Variants in KRTAP5-6 observed in about 807,000 individuals in gnomAD.
KRTAP5-6 encodes the protein keratin associated protein 5-6.
For missense variants in KRTAP5-6, 175 were observed against 157.6 expected, an observed-to-expected ratio of 1.11 and a Z score of -0.59; for synonymous variants, 57 against 61.7, an observed-to-expected ratio of 0.92 and a Z score of 0.36.
chr11:1,697,460 C>A lies in KRTAP5-6; in HGVS notation c.215C>A (p.Ser72Tyr). Residue 72 changes from serine to tyrosine, a missense_variant, in exon 1 of 1, where the codon TCT (serine) becomes TAT (tyrosine). By Grantham distance (144) the Ser-to-Tyr change is moderately radical. Transcript: ENST00000382160. ...GGGGGCTCCAAAGGGGGCTGTGGCTCTTGTGGGGGCTCCAAGGGAGGCTGT... is the reference window on the plus strand; with the variant it reads ...GGGGGCTCCAAAGGGGGCTGTGGCTATTGTGGGGGCTCCAAGGGAGGCTGT... ...SCGGSKGGCG[S>Y]CGGSKGGCGS... 1 of 1,613,156 alleles carries A rather than the reference C, an allele frequency of 6.2e-7. No homozygotes were observed. Among genetic ancestry groups the A allele is most frequent in the Non-Finnish European group, 8.5e-7 (1 of 1,179,840 alleles).
At position 1,697,289 on chromosome 11, in the gene KRTAP5-6, G is replaced by T. The variant is rs764693017; in HGVS notation, c.44G>T (p.Gly15Val). The T allele has an allele frequency of 3.7e-6, 6 of 1,612,928 alleles. No homozygotes were observed. Among genetic ancestry groups the T allele is most frequent in the Non-Finnish European group, 5.1e-6 (6 of 1,179,722 alleles). The change falls in exon 1 of 1, where the codon GGG (glycine) becomes GTG (valine). Residue 15 changes from glycine to valine, a missense_variant. Physicochemically the swap from Gly to Val is moderately radical, Grantham distance 109. Transcript: ENST00000382160. ...GCSGGCGSGC[G>V]GCGSGCGGCG... ...TCTGGAGGCTGTGGCTCCGGCTGTG[G>T]GGGCTGTGGCTCTGGCTGTGGGGGC... is the stretch of plus-strand genomic sequence containing the variant.
chr11:1,697,294 T>C lies in KRTAP5-6; in HGVS notation c.49T>C (p.Cys17Arg). 6.2e-7 allele frequency: 1 copy of C among 1,612,970 alleles called. No individual in the cohort carries two copies. ...AGGCTGTGGCTCCGGCTGTGGGGGC[T>C]GTGGCTCTGGCTGTGGGGGCTGTGG... ...SGGCGSGCGG[C>R]GSGCGGCGSS... The change falls in exon 1 of 1, where the codon TGT (cysteine) becomes CGT (arginine). Residue 17 changes from cysteine to arginine, a missense_variant. Transcript: ENST00000382160.
chr11:1,697,510 A>C lies in KRTAP5-6; in HGVS notation c.265A>C (p.Ser89Arg). The C allele has an allele frequency of 1.2e-6, 2 of 1,613,570 alleles. No homozygotes were observed. Among genetic ancestry groups the C allele is most frequent in the Non-Finnish European group, 1.7e-6 (2 of 1,179,900 alleles). Residue 89 changes from serine to arginine, a missense_variant, in exon 1 of 1, where the codon AGT (serine) becomes CGT (arginine). Coordinates refer to ENST00000382160, the MANE Select transcript of KRTAP5-6 (RefSeq NM_001012416.1). ...TGGCTCTTGTGGCTGCTCCCAGTGCAGTTGCTGCAAGCCCTGCTACTGTTC... is the reference window on the plus strand; with the variant it reads ...TGGCTCTTGTGGCTGCTCCCAGTGCCGTTGCTGCAAGCCCTGCTACTGTTC... ...GCGSCGCSQC[S>R]CCKPCYCSSG... is the part of the protein sequence containing the mutation.
rs1483516612 is a variant in KRTAP5-6 at position 1,697,392 on chromosome 11, C to T, written c.147C>T (p.Ser49=). The change falls in exon 1 of 1, where the codon AGC becomes AGT. Residue 49 remains serine (S), a synonymous_variant. Coordinates refer to ENST00000382160, the MANE Select transcript of KRTAP5-6 (RefSeq NM_001012416.1). ...GTGTGCCAGCCTGTTCCTGCACCAG[C>T]TGTGGCTCTTGTGGGGGCTCCAAGG... The part of the protein sequence containing the change: ...CCCVPACSCT[S]CGSCGGSKGC... The T allele has an allele frequency of 6.2e-7, 1 of 1,612,744 alleles. No homozygotes were observed. The highest frequency in any genetic ancestry group is 8.5e-7 in the Non-Finnish European group (1 of 1,179,908).
rs772905716 is a variant in KRTAP5-6, at chr11:1,697,259, G to A, written c.14G>A (p.Gly5Asp). 6.2e-7 allele frequency: 1 copy of A among 1,613,366 alleles called. No individual in the cohort carries two copies. Among genetic ancestry groups the A allele is most frequent in the East Asian group, 2.2e-5 (1 of 44,872 alleles). ...TCCACCAGAACCATGGGCTGCTGTG[G>A]CTGCTCTGGAGGCTGTGGCTCCGGC... Reference protein sequence around the residue: MGCCGCSGGCGSGCG... With the variant: MGCCDCSGGCGSGCG... The change falls in exon 1 of 1, where the codon GGC becomes GAC. Residue 5 changes from glycine to aspartate, a missense_variant. Coordinates refer to ENST00000382160, the MANE Select transcript of KRTAP5-6 (RefSeq NM_001012416.1).
In KRTAP5-6 at chr11:1,697,630, A is replaced by G; in HGVS notation, c.385A>G (p.Ile129Val). 1.2e-6 allele frequency: 2 copies of G among 1,614,096 alleles called. No homozygotes were observed. Among genetic ancestry groups the G allele is most frequent in the South Asian group, 2.2e-5 (2 of 91,076 alleles). The change falls in exon 1 of 1, where the codon ATC becomes GTC. Residue 129 changes from isoleucine (I) to valine (V), a missense_variant. Physicochemically the swap from Ile to Val is conservative, Grantham distance 29 (BLOSUM62 3). Coordinates refer to ENST00000382160, the MANE Select transcript of KRTAP5-6 (RefSeq NM_001012416.1). Reference protein sequence around the residue: ...CCVPICCQCKI With the variant: ...CCVPICCQCKV ...TGTCCCCATTTGCTGCCAGTGCAAA[A>G]TCTGAGGCTCTGACTTTGGACCTCA...
Position 1,697,199 on chromosome 11 carries a change from C to T in KRTAP5-6, c.-47C>T. The stretch of plus-strand genomic sequence containing the variant: ...AGGGAGCTCCATACCTGCACACCTC[C>T]CTCTCACCTGCTCCTCTACCTGCTC... On this transcript the variant is annotated 5_prime_UTR_variant, in exon 1 of 1. Transcript: ENST00000382160. 4.3e-6 allele frequency: 7 copies of T among 1,612,256 alleles called. No individual in the cohort carries two copies. Among genetic ancestry groups the T allele is most frequent in the Non-Finnish European group, 5.9e-6 (7 of 1,179,824 alleles).
chr11:1,697,285 T>C lies in KRTAP5-6; in HGVS notation c.40T>C (p.Cys14Arg). 6.2e-7 allele frequency: 1 copy of C among 1,612,802 alleles called. No homozygotes were observed. Among genetic ancestry groups the C allele is most frequent in the Non-Finnish European group, 8.5e-7 (1 of 1,179,666 alleles). The change falls in exon 1 of 1, where the codon TGT becomes CGT. Residue 14 changes from cysteine (C) to arginine (R), a missense_variant. Cys to Arg is a radical substitution (Grantham distance 180). Coordinates refer to ENST00000382160, the MANE Select transcript of KRTAP5-6 (RefSeq NM_001012416.1). The part of the protein sequence containing the change: ...CGCSGGCGSG[C>R]GGCGSGCGGC... Reference sequence around the variant, plus strand: ...CTGCTCTGGAGGCTGTGGCTCCGGCTGTGGGGGCTGTGGCTCTGGCTGTGG... The same window carrying C: ...CTGCTCTGGAGGCTGTGGCTCCGGCCGTGGGGGCTGTGGCTCTGGCTGTGG...
Position 1,697,703 on chromosome 11 carries a change from T to C in KRTAP5-6, c.*68T>C. 6.3e-7 allele frequency: 1 copy of C among 1,595,030 alleles called. No individual in the cohort carries two copies. The highest frequency in any genetic ancestry group is 2.2e-5 in the East Asian group (1 of 44,696). ...CACCCAAGAAGTGACCAGTGCTGCA[T>C]TTCAGTTCTGGCTGTCCCACAGCTC... is the stretch of plus-strand genomic sequence containing the variant. On this transcript the variant is annotated 3_prime_UTR_variant, in exon 1 of 1. Transcript: ENST00000382160.
Position 1,697,681 on chromosome 11 carries a change from C to T in KRTAP5-6, c.*46C>T, listed in dbSNP as rs1850707602. 1 of 1,611,428 alleles carries T rather than the reference C, an allele frequency of 6.2e-7. No individual in the cohort carries two copies. On this transcript the variant is annotated 3_prime_UTR_variant, in exon 1 of 1. Coordinates refer to ENST00000382160, the MANE Select transcript of KRTAP5-6 (RefSeq NM_001012416.1). Reference sequence around the variant, plus strand: ...GGTGAGTCCAGCATATCCACACCACCCAAGAAGTGACCAGTGCTGCATTTC... The same window carrying T: ...GGTGAGTCCAGCATATCCACACCACTCAAGAAGTGACCAGTGCTGCATTTC...
chr11:1,697,218 C>T lies in KRTAP5-6; in HGVS notation c.-28C>T, dbSNP rs368183184. 6.2e-7 allele frequency: 1 copy of T among 1,612,700 alleles called. No homozygotes were observed. Among genetic ancestry groups the T allele is most frequent in the African/African-American group, 1.3e-5 (1 of 74,862 alleles). ...CACCTCCCTCTCACCTGCTCCTCTA[C>T]CTGCTCCACCCTCAATCCACCAGAA... On this transcript the variant is annotated 5_prime_UTR_variant, in exon 1 of 1. Transcript: ENST00000382160.
rs1207923935 is a variant in KRTAP5-6 at position 1,697,589 on chromosome 11, C to T, written c.344C>T (p.Ser115Phe). The T allele has an allele frequency of 1.2e-6, 2 of 1,613,924 alleles. No homozygotes were observed. Among genetic ancestry groups the T allele is most frequent in the African/African-American group, 2.7e-5 (2 of 74,874 alleles). ...TCCAGCTGCTGCAAGCCCTGCTGTT[C>T]CCAGGCCAGCTGCTGTGTCCCCATT... Reference protein sequence around the residue: ...CQSSCCKPCCSQASCCVPICC... With the variant: ...CQSSCCKPCCFQASCCVPICC... Residue 115 changes from serine to phenylalanine, a missense_variant, in exon 1 of 1, where the codon TCC (serine) becomes TTC (phenylalanine). Coordinates refer to ENST00000382160, the MANE Select transcript of KRTAP5-6 (RefSeq NM_001012416.1).
chr11:1,697,486 G>T lies in KRTAP5-6; in HGVS notation c.241G>T (p.Gly81Cys), dbSNP rs934238605. The T allele has an allele frequency of 1.9e-6, 3 of 1,613,892 alleles. No individual in the cohort carries two copies. The highest frequency in any genetic ancestry group is 2.5e-6 in the Non-Finnish European group (3 of 1,180,042). The part of the protein sequence containing the change: ...GSCGGSKGGC[G>C]SCGCSQCSCC... ...TTGTGGGGGCTCCAAGGGAGGCTGTGGCTCTTGTGGCTGCTCCCAGTGCAG... is the reference window on the plus strand; with the variant it reads ...TTGTGGGGGCTCCAAGGGAGGCTGTTGCTCTTGTGGCTGCTCCCAGTGCAG... The change falls in exon 1 of 1, where the codon GGC becomes TGC. Residue 81 changes from glycine to cysteine, a missense_variant. Physicochemically the swap from Gly to Cys is radical, Grantham distance 159 (BLOSUM62 -3). Coordinates refer to ENST00000382160, the MANE Select transcript of KRTAP5-6 (RefSeq NM_001012416.1).
rs747869383 is a variant in KRTAP5-6, at chr11:1,697,433, G to A, written c.188G>A (p.Cys63Tyr). The A allele has an allele frequency of 4.3e-6, 7 of 1,612,418 alleles. No individual in the cohort carries two copies. The highest frequency in any genetic ancestry group is 4.5e-5 in the East Asian group (2 of 44,864). Residue 63 changes from cysteine (C) to tyrosine (Y), a missense_variant, in exon 1 of 1, where the codon TGT (cysteine) becomes TAT (tyrosine). Coordinates refer to ENST00000382160, the MANE Select transcript of KRTAP5-6 (RefSeq NM_001012416.1). The part of the protein sequence containing the change: ...CGGSKGCCGS[C>Y]GGSKGGCGSC... ...GGCTCCAAGGGGTGCTGTGGCTCTT[G>A]TGGGGGCTCCAAAGGGGGCTGTGGC...
rs763298292 is a variant in KRTAP5-6, at chr11:1,697,554, C to T, written c.309C>T (p.Ser103=). 6.2e-7 allele frequency: 1 copy of T among 1,614,108 alleles called. No individual in the cohort carries two copies. The highest frequency in any genetic ancestry group is 2.2e-5 in the East Asian group (1 of 44,888). Reference sequence around the variant, plus strand: ...ACTGTTCCTCAGGCTGTGGGTCATCCTGCTGCCAGTCCAGCTGCTGCAAGC... The same window carrying T: ...ACTGTTCCTCAGGCTGTGGGTCATCTTGCTGCCAGTCCAGCTGCTGCAAGC... The part of the protein sequence containing the change: ...PCYCSSGCGS[S]CCQSSCCKPC... Residue 103 remains serine (S), a synonymous_variant, in exon 1 of 1, where the codon TCC becomes TCT. Coordinates refer to ENST00000382160, the MANE Select transcript of KRTAP5-6 (RefSeq NM_001012416.1).
rs1051308947 is a variant in KRTAP5-6 at position 1,697,487 on chromosome 11, G to T, written c.242G>T (p.Gly81Val). 2 of 1,614,048 alleles carry T rather than the reference G, an allele frequency of 1.2e-6. No individual in the cohort carries two copies. The highest frequency in any genetic ancestry group is 2.2e-5 in the East Asian group (1 of 44,882). Residue 81 changes from glycine (G) to valine (V), a missense_variant, in exon 1 of 1, where the codon GGC becomes GTC. Coordinates refer to ENST00000382160, the MANE Select transcript of KRTAP5-6 (RefSeq NM_001012416.1). Reference protein sequence around the residue: ...GSCGGSKGGCGSCGCSQCSCC... With the variant: ...GSCGGSKGGCVSCGCSQCSCC... ...TGTGGGGGCTCCAAGGGAGGCTGTG[G>T]CTCTTGTGGCTGCTCCCAGTGCAGT...
Position 1,697,693 on chromosome 11 carries a change from C to G in KRTAP5-6, c.*58C>G. The stretch of plus-strand genomic sequence containing the variant: ...ATATCCACACCACCCAAGAAGTGAC[C>G]AGTGCTGCATTTCAGTTCTGGCTGT... On this transcript the variant is annotated 3_prime_UTR_variant, in exon 1 of 1. Coordinates refer to ENST00000382160, the MANE Select transcript of KRTAP5-6 (RefSeq NM_001012416.1). The G allele has an allele frequency of 1.2e-6, 2 of 1,607,006 alleles. No individual in the cohort carries two copies. Among genetic ancestry groups the G allele is most frequent in the African/African-American group, 1.3e-5 (1 of 74,932 alleles).
Position 1,697,256 on chromosome 11 carries a change from G to A in KRTAP5-6, c.11G>A (p.Cys4Tyr). The change falls in exon 1 of 1, where the codon TGT (cysteine) becomes TAT (tyrosine). Residue 4 changes from cysteine (C) to tyrosine (Y), a missense_variant. Transcript: ENST00000382160. MGC[C>Y]GCSGGCGSGC... ...CAATCCACCAGAACCATGGGCTGCT[G>A]TGGCTGCTCTGGAGGCTGTGGCTCC... 1.9e-6 allele frequency: 3 copies of A among 1,613,398 alleles called. No homozygotes were observed. Among genetic ancestry groups the A allele is most frequent in the Non-Finnish European group, 2.5e-6 (3 of 1,180,026 alleles).
chr11:1,697,591 C>T lies in KRTAP5-6; in HGVS notation c.346C>T (p.Gln116Ter). 1 of 1,614,080 alleles carries T rather than the reference C, an allele frequency of 6.2e-7. No individual in the cohort carries two copies. The highest frequency in any genetic ancestry group is 2.2e-5 in the East Asian group (1 of 44,886). Residue 116 changes from glutamine (Q) to a stop codon, truncating the protein, a stop_gained, in exon 1 of 1, where the codon CAG (glutamine) becomes TAG (stop). Coordinates refer to ENST00000382160, the MANE Select transcript of KRTAP5-6 (RefSeq NM_001012416.1). LOFTEE classifies it high-confidence loss of function. ...CAGCTGCTGCAAGCCCTGCTGTTCC[C>T]AGGCCAGCTGCTGTGTCCCCATTTG... is the stretch of plus-strand genomic sequence containing the variant. The part of the protein sequence containing the change: ...QSSCCKPCCS[Q>*]ASCCVPICCQ...
Sources: allele counts gnomAD v4.1 joint callset, GRCh38; gene constraint gnomAD v4.1.1; transcripts MANE v1.5; gene names NCBI Gene and HGNC (gene_info 2026-07-23, HGNC 2026-07-21).